The following LRP1B variants were observed in gnomAD, a reference collection of about 807,000 sequenced individuals.
The protein encoded by LRP1B is low-density lipoprotein receptor-related protein 1B.
LRP1B carries 217 observed loss-of-function variants against 556.6 expected under a neutral mutation model. The ratio of observed to expected loss-of-function variants is 0.39; its 90% confidence interval spans 0.35 to 0.44. LRP1B has a LOEUF of 0.44. Ranked by LOEUF, LRP1B falls within the 20% of genes least tolerant of loss-of-function variation. The pLI is 1.00. For missense variants in LRP1B, 5,053 were observed against 5,620.8 expected (o/e 0.90, Z 3.23); for synonymous variants, 2,047 against 1,865.8 (o/e 1.10, Z -2.50).
At chr2:140,276,247 T>C (rs1240925567) in intron 84 of LRP1B, among the ~76,000 whole-genome samples, 1 of 151,992 alleles carries the variant, frequency 6.6e-6, no homozygotes, top group Non-Finnish European at 1.5e-5. Flanking sequence ...CTTTATTAAA[T>C]CAGACAAATT....
chr2:140,654,025 CAAAA>C (rs61199077), intron 41 of LRP1B, among the ~76,000 whole-genome samples: 36 of 35,386 alleles, frequency 1.0e-3, no homozygotes, highest in Non-Finnish European at 1.6e-3. Flanking sequence ...GACTCCATCT[CAAAA>C]AAAAAAAAAA....
chr2:140,379,654 C>A (rs568594790), intron 67 of LRP1B, among the ~76,000 whole-genome samples: 1 of 152,200 alleles, frequency 6.6e-6, no homozygotes, highest in East Asian at 1.9e-4. Context: ...GAGATCATGC[C>A]ACTGCATTCC....
intron 29 of LRP1B, among the ~76,000 whole-genome samples, chr2:140,846,276 A>G (rs1417772700): frequency 1.3e-5 from 2 of 152,212 alleles, no homozygotes; most frequent in Non-Finnish European, 2.9e-5. Flanking sequence ...TACAGCAAAT[A>G]GCTCATGTGA....
At chr2:140,657,344 G>T (rs1050610914) in intron 41 of LRP1B, among the ~76,000 whole-genome samples, 2 of 151,830 alleles carry the variant, frequency 1.3e-5, no homozygotes, top group African/African-American at 2.4e-5. Flanking sequence ...AAAAGAGAAA[G>T]AGAGGCCCAG....
chr2:140,640,459 G>A (rs1368371883), intron 41 of LRP1B, among the ~76,000 whole-genome samples: 2 of 118,916 alleles, frequency 1.7e-5, no homozygotes, highest in African/African-American at 6.6e-5. Flanking sequence ...GCAGTGGCGC[G>A]ATCTCGGCTC....
chr2:140,577,519 C>G (rs949132299), intron 43 of LRP1B, among the ~76,000 whole-genome samples: 3 of 151,698 alleles, frequency 2.0e-5, no homozygotes, highest in African/African-American at 7.3e-5. Context: ...TGGGCTCAAG[C>G]GATCTTCCCA....
At chr2:141,408,332 G>A (rs918717267) in intron 3 of LRP1B, among the ~76,000 whole-genome samples, 1 of 151,804 alleles carries the variant, frequency 6.6e-6, no homozygotes, top group African/African-American at 2.4e-5. Flanking sequence ...TTTTAGTAGA[G>A]ATGGCGTTTC....
intron 25 of LRP1B, among the ~76,000 whole-genome samples, chr2:140,870,294 C>G (rs184706942): frequency 6.6e-6 from 1 of 152,218 alleles, no homozygotes; most frequent in African/African-American, 2.4e-5. Flanking sequence ...ATTATAGCCA[C>G]CCCACTCAGA....
chr2:141,746,973 T>C (rs552025964), intron 2 of LRP1B, among the ~76,000 whole-genome samples: 1 of 103,870 alleles, frequency 9.6e-6, no homozygotes, highest in East Asian at 2.9e-4. Flanking sequence ...ATAATTTTGA[T>C]GAGCGTCCTT....
chr2:140,626,927 A>T (rs1241855728), intron 41 of LRP1B, among the ~76,000 whole-genome samples: 1 of 152,194 alleles, frequency 6.6e-6, no homozygotes, highest in African/African-American at 2.4e-5. Flanking sequence ...AAGAACAACC[A>T]TGTTCTGCAA....
intron 11 of LRP1B, among the ~76,000 whole-genome samples, chr2:141,023,592 C>T (rs13006170): frequency 0.17 from 26,332 of 151,838 alleles, 2,430 homozygotes; most frequent in East Asian, 0.23. Flanking sequence ...AGATATTATA[C>T]ATTCATGGAA....
At chr2:141,539,658 A>C (rs1034227627) in intron 2 of LRP1B, among the ~76,000 whole-genome samples, 5 of 152,200 alleles carry the variant, frequency 3.3e-5, no homozygotes, top group Non-Finnish European at 7.4e-5. Flanking sequence ...AAAGATTCAG[A>C]TAGCAAATAT....
intron 1 of LRP1B, among the ~76,000 whole-genome samples, chr2:142,011,597 T>C: frequency 6.6e-6 from 1 of 152,322 alleles, no homozygotes; most frequent in Non-Finnish European, 1.5e-5. Context: ...TTCTGCTAAA[T>C]AGTTTAAAGG....
chr2:141,820,861 A>C (rs1696728683), intron 1 of LRP1B, among the ~76,000 whole-genome samples: 1 of 152,234 alleles, frequency 6.6e-6, no homozygotes, highest in African/African-American at 2.4e-5. Flanking sequence ...ACCCCAAAGA[A>C]GATCACATCC....
At chr2:140,959,915 A>G (rs1480795265) in intron 18 of LRP1B, among the ~76,000 whole-genome samples, 1 of 151,790 alleles carries the variant, frequency 6.6e-6, no homozygotes, top group East Asian at 1.9e-4. Context: ...CTATAGCAGT[A>G]TATAAGCACA....
At chr2:140,798,278 A>T (rs1227201235) in intron 32 of LRP1B, among the ~76,000 whole-genome samples, 2 of 152,210 alleles carry the variant, frequency 1.3e-5, no homozygotes, top group Non-Finnish European at 2.9e-5. Context: ...GAGCAAATAA[A>T]TAAGTTATCA....
chr2:140,822,628 C>T (rs1049790660), intron 31 of LRP1B, among the ~76,000 whole-genome samples: 8 of 152,170 alleles, frequency 5.3e-5, no homozygotes, highest in African/African-American at 1.9e-4. Flanking sequence ...ATACTCCTGG[C>T]TGCTTAGAAA....
chr2:140,687,077 A>G (rs1000920073), intron 41 of LRP1B, among the ~76,000 whole-genome samples: 1 of 152,158 alleles, frequency 6.6e-6, no homozygotes, highest in Non-Finnish European at 1.5e-5. Flanking sequence ...TTGCTCAAAT[A>G]GAAGGAACAC....
chr2:141,831,377 CTA>C (rs1268175960), intron 1 of LRP1B, among the ~76,000 whole-genome samples: 21 of 151,572 alleles, frequency 1.4e-4, no homozygotes, highest in African/African-American at 4.3e-4. Flanking sequence ...TATACCAAAT[CTA>C]TGTTATGTCT....
Sources: gnomAD v4.1 joint callset for allele counts (sites outside exome capture counted in the v4.1 genomes callset) on GRCh38, gnomAD v4.1.1 for gene constraint, MANE v1.5 for transcripts, NCBI Gene and HGNC (gene_info 2026-07-23, HGNC 2026-07-21) for gene names.